The following GABRB3 variants were observed in gnomAD, a reference collection of about 807,000 sequenced individuals.
GABRB3 encodes gamma-aminobutyric acid type A receptor subunit beta3.
GABRB3 carries 14 observed loss-of-function variants against 52.1 expected under a neutral mutation model. The ratio of observed to expected loss-of-function variants is 0.27; its 90% confidence interval spans 0.18 to 0.42. The LOEUF is 0.42. Ranked by LOEUF, GABRB3 falls within the 10% of genes least tolerant of loss-of-function variation. The pLI, the probability that GABRB3 is intolerant of heterozygous loss-of-function variation, is 1.00. For synonymous variants in GABRB3, 260 were observed against 232.3 expected (o/e 1.12, Z -1.08); for missense variants, 307 against 609.1 (o/e 0.50, Z 5.22).
At chr15:26,761,795 C>G (rs1191831064) in intron 3 of GABRB3, among the ~76,000 whole-genome samples, 1 of 152,078 alleles carries the variant, frequency 6.6e-6, no homozygotes, top group East Asian at 1.9e-4. Flanking sequence ...ACGCCTCTTG[C>G]ACTTTCTCCT....
intron 3 of GABRB3, among the ~76,000 whole-genome samples, chr15:26,699,272 G>C (rs1595537352): frequency 6.6e-6 from 1 of 152,296 alleles, no homozygotes; most frequent in East Asian, 1.9e-4. Flanking sequence ...CAATGCTCCA[G>C]TATTGCTTAA....
At chr15:26,736,516 C>T (rs984351980) in intron 3 of GABRB3, among the ~76,000 whole-genome samples, 2 of 152,218 alleles carry the variant, frequency 1.3e-5, no homozygotes, top group Non-Finnish European at 2.9e-5. Context: ...ATGTTTGTAT[C>T]AGGCAACTTC....
At chr15:26,734,638 CAA>C (rs527622047) in intron 3 of GABRB3, among the ~76,000 whole-genome samples, 1,127 of 96,232 alleles carry the variant, frequency 0.012, 13 homozygotes, top group African/African-American at 0.036. Flanking sequence ...GGGTGAGTCT[CAA>C]AAAAAAAAAA....
At chr15:26,768,051 CAA>C (rs1216854250) in intron 3 of GABRB3, among the ~76,000 whole-genome samples, 6 of 152,058 alleles carry the variant, frequency 3.9e-5, no homozygotes, top group African/African-American at 1.4e-4. Context: ...GAAAATGCAA[CAA>C]GTGAGAAGTG....
intron 4 of GABRB3, among the ~76,000 whole-genome samples, chr15:26,591,904 C>T (rs911353226): frequency 6.6e-6 from 1 of 152,166 alleles, no homozygotes. Context: ...ATATCAAGTG[C>T]TCAACAGCCC....
intron 4 of GABRB3, among the ~76,000 whole-genome samples, chr15:26,589,471 C>A (rs1891113047): frequency 6.6e-6 from 1 of 152,210 alleles, no homozygotes; most frequent in Non-Finnish European, 1.5e-5. Context: ...TTTTGATTCA[C>A]TGTAAACACT....
At chr15:26,630,682 A>G (rs1892886457) in intron 3 of GABRB3, among the ~76,000 whole-genome samples, 1 of 152,212 alleles carries the variant, frequency 6.6e-6, no homozygotes, top group Non-Finnish European at 1.5e-5. Context: ...AAAGCCATTT[A>G]TTCATCTTGG....
intron 3 of GABRB3, among the ~76,000 whole-genome samples, chr15:26,624,055 A>G (rs1030492973): frequency 6.6e-6 from 1 of 152,170 alleles, no homozygotes; most frequent in African/African-American, 2.4e-5. Flanking sequence ...CAAGGGGTAG[A>G]AGGGATGGTG....
intron 4 of GABRB3, among the ~76,000 whole-genome samples, chr15:26,610,085 T>C (rs566684355): frequency 6.6e-6 from 1 of 152,178 alleles, no homozygotes; most frequent in Non-Finnish European, 1.5e-5. Context: ...CACATCATGA[T>C]TGCGTGATCT....
chr15:26,769,065 A>G (rs1158817459), intron 3 of GABRB3, among the ~76,000 whole-genome samples: 4 of 152,230 alleles, frequency 2.6e-5, no homozygotes. Flanking sequence ...CTACCAGTAG[A>G]TAAGGACTGG....
At position 26,555,491 on chromosome 15, in the gene GABRB3, C is replaced by T. The variant is rs369677375; in HGVS notation, c.1080+5441G>A. 2.5e-4 allele frequency among the ~76,000 whole-genome samples: 38 copies of T among 152,280 alleles called. No homozygotes were observed. The East Asian group carries it at 2.9e-3, about 12-fold the overall frequency. ...CTGTTGTGTTTGGGAGACGACCTCA[C>T]GAACGTGGGTCTCTAAGGCTGTGCC... On this transcript the variant is annotated intron_variant, in intron 8 of 8. Coordinates refer to ENST00000311550, the MANE Select transcript of GABRB3 (RefSeq NM_000814.6).
chr15:26,642,504 C>A, intron 3 of GABRB3: 1 of 1,288,876 alleles, frequency 7.8e-7, no homozygotes, highest in Non-Finnish European at 1.0e-6. Context: ...GTGGCTGAAT[C>A]CTAGCTGTGC....
intron 3 of GABRB3, among the ~76,000 whole-genome samples, chr15:26,753,402 G>GA (rs900479666): frequency 3.3e-5 from 5 of 152,090 alleles, no homozygotes; most frequent in Non-Finnish European, 2.9e-5. Flanking sequence ...GAGGCACTGG[G>GA]AAAAAAGGAG....
intron 3 of GABRB3, among the ~76,000 whole-genome samples, chr15:26,676,249 G>T (rs1888065158): frequency 6.6e-6 from 1 of 152,166 alleles, no homozygotes. Flanking sequence ...ACTTGATTAA[G>T]TTACACAAAA....
At chr15:26,683,318 G>A (rs1191931159) in intron 3 of GABRB3, among the ~76,000 whole-genome samples, 1 of 152,154 alleles carries the variant, frequency 6.6e-6, no homozygotes, top group African/African-American at 2.4e-5. Context: ...TCTGAGGGTC[G>A]ATTTTAATTC....
At chr15:26,594,239 T>G (rs1278007958) in intron 4 of GABRB3, among the ~76,000 whole-genome samples, 1 of 151,872 alleles carries the variant, frequency 6.6e-6, no homozygotes, top group African/African-American at 2.4e-5. Flanking sequence ...TTCCTTTGAC[T>G]AAGCCATGTT....
intron 4 of GABRB3, among the ~76,000 whole-genome samples, chr15:26,610,719 G>A (rs1431906702): frequency 3.9e-5 from 6 of 152,128 alleles, no homozygotes; most frequent in African/African-American, 4.8e-5. Context: ...GGTTCACAGC[G>A]TTCACTGGAT....
intron 3 of GABRB3, among the ~76,000 whole-genome samples, chr15:26,741,740 G>A (rs1023252540): frequency 2.0e-5 from 3 of 151,956 alleles, no homozygotes; most frequent in Non-Finnish European, 4.4e-5. Context: ...TCCCGAGTAG[G>A]TGAGCCTACA....
At chr15:26,671,574 T>C (rs1283491425) in intron 3 of GABRB3, among the ~76,000 whole-genome samples, 8 of 151,966 alleles carry the variant, frequency 5.3e-5, no homozygotes, top group African/African-American at 7.3e-5. Flanking sequence ...TATAAGGGAG[T>C]TGTGTGCTTT....
Sources: allele counts gnomAD v4.1 joint callset (sites outside exome capture counted in the v4.1 genomes callset), GRCh38; gene constraint gnomAD v4.1.1; transcripts MANE v1.5; gene names NCBI Gene and HGNC (gene_info 2026-07-23, HGNC 2026-07-21).